TBC1D16: variants seen among roughly 807,000 people sequenced by gnomAD.
TBC1D16 encodes the protein TBC1 domain family member 16, also known as CTD-2529O21.1.
TBC1D16 carries 58 observed loss-of-function variants against 74.7 expected under a neutral mutation model. That is an observed-to-expected ratio of 0.78 (90% confidence interval 0.63 to 0.97). The LOEUF is 0.97. Ranked by LOEUF, TBC1D16 falls within the 50% of genes least tolerant of loss-of-function variation. The probability of loss-of-function intolerance (pLI) is 0.00; values close to 1 mark genes in which losing one functional copy is unlikely to be tolerated. For missense variants in TBC1D16, 1,014 were observed against 1,079.5 expected (o/e 0.94, Z 0.85); for synonymous variants, 493 against 474.7 (o/e 1.04, Z -0.50).
Position 79,950,868 on chromosome 17 carries a change from G to C in TBC1D16, c.1090-290C>G. ...AAAAACGGAATGAATGCCTCGTTCG[G>C]CCTAACTTCCCTCTGCCGGGAGGGC... is the stretch of plus-strand genomic sequence containing the variant. On this transcript the variant is annotated intron_variant, in intron 5 of 11. Transcript: ENST00000310924. The surrounding 1 kb of genome is among the most constrained non-coding windows in gnomAD (Gnocchi z 4.6). The C allele has an allele frequency of 6.6e-7, 1 of 1,514,960 alleles. No homozygotes were observed. Among genetic ancestry groups the C allele is most frequent in the South Asian group, 1.2e-5 (1 of 81,530 alleles). The allele number at this position is 1,514,960 out of a possible 1,614,324, so 93.8% of individuals were successfully genotyped here.
intron 1 of TBC1D16, among the ~76,000 whole-genome samples, chr17:80,025,169 AT>A (rs2036530448): frequency 6.7e-6 from 1 of 148,228 alleles, no homozygotes; most frequent in Non-Finnish European, 1.5e-5. Flanking sequence ...CACACACACC[AT>A]AGACACACAC....
chr17:79,936,913 T>TGTGG lies in TBC1D16; in HGVS notation c.*3945_*3946insCCAC, dbSNP rs775135079. 8.7e-6 allele frequency: 1 copy of TGTGG among 114,346 alleles called. No individual in the cohort carries two copies. Among genetic ancestry groups the TGTGG allele is most frequent in the African/African-American group, 2.9e-5 (1 of 34,254 alleles). 7.1% of individuals were successfully genotyped at this position (114,346 alleles called of 1,614,324 possible). A position where few individuals can be genotyped will look rare whatever the true frequency, so the allele number is the denominator to read the frequency against. On this transcript the variant is annotated 3_prime_UTR_variant, in exon 12 of 12. Transcript: ENST00000310924. ...ATGCGTGCGTGTGTGCATGTGCGTGTGTGTGTGTGTGTGTGTGTGTGTGTG... is the reference window on the plus strand; with the variant it reads ...ATGCGTGCGTGTGTGCATGTGCGTGTGTGGGTGTGTGTGTGTGTGTGTGTGTGTG...
chr17:80,029,399 G>C (rs1050705035), intron 1 of TBC1D16, among the ~76,000 whole-genome samples: 1 of 152,172 alleles, frequency 6.6e-6, no homozygotes, highest in African/African-American at 2.4e-5. Context: ...GCAGCTGTGA[G>C]CCTGCTGTTA....
rs2034565340 is a variant in TBC1D16, at chr17:79,981,203, T to G, written c.780-28385A>C. Among the ~76,000 whole-genome samples, 1 of 152,208 alleles carries G rather than the reference T, an allele frequency of 6.6e-6. No homozygotes were observed. The highest frequency in any genetic ancestry group is 1.5e-5 in the Non-Finnish European group (1 of 68,036). On this transcript the variant is annotated intron_variant, in intron 3 of 11. Coordinates refer to ENST00000310924, the MANE Select transcript of TBC1D16 (RefSeq NM_019020.4). This position sits in a 1 kb window ranked among gnomAD's most constrained non-coding sequence, Gnocchi z 6.9. ...TCTCCACTCGGCTTTTCCCATCCCC[T>G]GGGCCTAGTTTCAGGGGAGCCAGCA...
Position 79,950,811 on chromosome 17 carries a change from C to T in TBC1D16, c.1090-233G>A, listed in dbSNP as rs1169869005. 3 of 1,535,420 alleles carry T rather than the reference C, an allele frequency of 2.0e-6. No homozygotes were observed. The highest frequency in any genetic ancestry group is 2.6e-6 in the Non-Finnish European group (3 of 1,146,550). On this transcript the variant is annotated intron_variant, in intron 5 of 11. Coordinates refer to ENST00000310924, the MANE Select transcript of TBC1D16 (RefSeq NM_019020.4). This position sits in a 1 kb window ranked among gnomAD's most constrained non-coding sequence, Gnocchi z 4.6. ...CTCTCTCCTCCCCGGCCCACTGTGC[C>T]GCCGCCCCCCACTCTCTCCAACCCC...
chr17:79,948,753 G>T, intron 8 of TBC1D16, 119 bp downstream of exon 8: 2 of 1,321,830 alleles, frequency 1.5e-6, no homozygotes, highest in Non-Finnish European at 2.1e-6. Context: ...GGGCTTTGAT[G>T]TATGAACCTG....
chr17:80,013,747 G>C, intron 1 of TBC1D16, 138 bp from the exon 2 acceptor site: 1 of 501,060 alleles, frequency 2.0e-6, no homozygotes, highest in Non-Finnish European at 3.4e-6. Flanking sequence ...TCTGTACAGG[G>C]TAGGCCACGT....
At position 79,971,027 on chromosome 17, in the gene TBC1D16, T is replaced by A. The variant is rs578091687; in HGVS notation, c.780-18209A>T. On this transcript the variant is annotated intron_variant, in intron 3 of 11. Coordinates refer to ENST00000310924, the MANE Select transcript of TBC1D16 (RefSeq NM_019020.4). The surrounding 1 kb of genome is among the most constrained non-coding windows in gnomAD (Gnocchi z 4.6). ...AATATACACTCCCTGTATTTTTATT[T>A]TTTATTTTTTTTTGAGATGGAGTCT... Among the ~76,000 whole-genome samples, 1,645 of 147,816 alleles carry A rather than the reference T, an allele frequency of 0.011. 19 individuals are homozygous for A. Among genetic ancestry groups the A allele is most frequent in the Middle Eastern group, 0.024 (7 of 290 alleles).
At chr17:79,960,788 A>AAAAAAAAAAAAAAAAC in intron 3 of TBC1D16, among the ~76,000 whole-genome samples, 2 of 138,846 alleles carry the variant, frequency 1.4e-5, no homozygotes, top group African/African-American at 5.2e-5. Context: ...CCAAAAAAAA[A>AAAAAAAAAAAAAAAAC]AAAAAAAAAA....
rs774381816 is a variant in TBC1D16, at chr17:79,950,266, G to C, written c.1257+145C>G. The C allele has an allele frequency of 2.7e-5, 23 of 852,760 alleles. No homozygotes were observed. Among genetic ancestry groups the C allele is most frequent in the Middle Eastern group, 7.3e-4 (2 of 2,730 alleles). 52.8% of individuals were successfully genotyped at this position (852,760 alleles called of 1,614,324 possible). ...TGCTTTATCGGTGTGTTCACAGAGAGCCTCACACAAGAAAACGGGGCCCTC... is the reference window on the plus strand; with the variant it reads ...TGCTTTATCGGTGTGTTCACAGAGACCCTCACACAAGAAAACGGGGCCCTC... On this transcript the variant is annotated intron_variant, in intron 6 of 11. Coordinates refer to ENST00000310924, the MANE Select transcript of TBC1D16 (RefSeq NM_019020.4). This position sits in a 1 kb window ranked among gnomAD's most constrained non-coding sequence, Gnocchi z 4.6.
chr17:79,945,408 T>C (rs1450300215), intron 9 of TBC1D16, among the ~76,000 whole-genome samples: 1 of 152,116 alleles, frequency 6.6e-6, no homozygotes, highest in Non-Finnish European at 1.5e-5. Context: ...CCACCCTCAG[T>C]GCACACTTGG....
intron 9 of TBC1D16, among the ~76,000 whole-genome samples, chr17:79,946,141 G>T (rs955881615): frequency 1.3e-5 from 2 of 152,226 alleles, no homozygotes; most frequent in African/African-American, 4.8e-5. Flanking sequence ...CTAACAGTCA[G>T]TCTATAGCAG....
intron 9 of TBC1D16, among the ~76,000 whole-genome samples, chr17:79,946,866 G>A (rs961439268): frequency 1.7e-4 from 26 of 152,170 alleles, no homozygotes; most frequent in African/African-American, 5.6e-4. Context: ...TCCTTATCAC[G>A]GGCACCTCCC....
chr17:79,943,011 G>C (rs1046046233), intron 10 of TBC1D16, among the ~76,000 whole-genome samples: 1 of 152,222 alleles, frequency 6.6e-6, no homozygotes, highest in African/African-American at 2.4e-5. Context: ...ATGCACACGC[G>C]CTTCCGGAGG....
intron 9 of TBC1D16, among the ~76,000 whole-genome samples, chr17:79,945,684 G>C (rs566575888): frequency 6.6e-6 from 1 of 152,322 alleles, no homozygotes; most frequent in African/African-American, 2.4e-5. Context: ...TCAATCTCCA[G>C]CATTCAGTGA....
At chr17:80,013,304 G>C (rs2035959573) in intron 2 of TBC1D16, 63 bp downstream of exon 2, 3 of 1,484,920 alleles carry the variant, frequency 2.0e-6, no homozygotes, top group Non-Finnish European at 2.7e-6. Flanking sequence ...AGGGCCTTTA[G>C]AGCCCTGGCT....
In TBC1D16 at chr17:80,013,477, C is replaced by A; in HGVS notation, c.71G>T (p.Gly24Val). ...ASDLLTLTPG[G>V]SGSGSPSVLD... ...GACAGAGGGGGACCCGCTGCCGCTG[C>A]CACCGGGGGTGAGGGTCAGGAGGTC... is the stretch of plus-strand genomic sequence containing the variant. Residue 24 changes from glycine (G) to valine (V), a missense_variant, in exon 2 of 12, where the codon GGC becomes GTC. Transcript: ENST00000310924. 1 of 1,593,200 alleles carries A rather than the reference C, an allele frequency of 6.3e-7. No individual in the cohort carries two copies.
chr17:79,953,092 A>G (rs1448534726), intron 3 of TBC1D16: 2 of 294,144 alleles, frequency 6.8e-6, no homozygotes, highest in Non-Finnish European at 1.3e-5. Flanking sequence ...CTGACAGCCA[A>G]GGTCACACTG....
rs2036929990 is a variant in TBC1D16 at position 80,035,242 on chromosome 17, T to C, written c.-63+553A>G. ...TCGTTCTTTCTTTCTTTTTCTTTTT[T>C]TTTTTTTCCCAAAGGAAAGAACAAG... On this transcript the variant is annotated intron_variant, in intron 1 of 11. Coordinates refer to ENST00000310924, the MANE Select transcript of TBC1D16 (RefSeq NM_019020.4). This position sits in a 1 kb window ranked among gnomAD's most constrained non-coding sequence, Gnocchi z 5.3. Among the ~76,000 whole-genome samples, 1 of 151,716 alleles carries C rather than the reference T, an allele frequency of 6.6e-6. No individual in the cohort carries two copies.
Sources: gnomAD v4.1 joint callset for allele counts (sites outside exome capture counted in the v4.1 genomes callset) on GRCh38, gnomAD v4.1.1 for gene constraint, Gnocchi (gnomAD v3.1) non-coding constraint, MANE v1.5 for transcripts, NCBI Gene and HGNC (gene_info 2026-07-23, HGNC 2026-07-21) for gene names.